Variants in RCL1 observed in about 807,000 individuals in gnomAD.
The protein encoded by RCL1 is RNA terminal phosphate cyclase like 1.
In RCL1, 24 loss-of-function variants were observed where a neutral mutation model predicts 42.4. That is an observed-to-expected ratio of 0.57 (90% confidence interval 0.41 to 0.80). The LOEUF is 0.80. Among genes scored for constraint, RCL1 ranks in the 30% least tolerant of loss-of-function variants. The pLI is 0.00. For missense variants in RCL1, 578 were observed against 467.9 expected (o/e 1.24, Z -2.17); for synonymous variants, 228 against 177.3 (o/e 1.29, Z -2.27).
intron 5 of RCL1, among the ~76,000 whole-genome samples, chr9:4,835,591 C>G (rs1456231860): frequency 6.6e-6 from 1 of 152,122 alleles, no homozygotes; most frequent in East Asian, 1.9e-4. Flanking sequence ...AGGGAGACTC[C>G]CTCCCTTTTA....
chr9:4,851,393 TAA>T (rs1293390682), intron 8 of RCL1, among the ~76,000 whole-genome samples: 2 of 152,186 alleles, frequency 1.3e-5, no homozygotes, highest in African/African-American at 4.8e-5. Context: ...TAAGCTAGCA[TAA>T]AGACAGGTAA....
At chr9:4,819,488 A>G (rs1816508521) in intron 1 of RCL1, among the ~76,000 whole-genome samples, 1 of 152,226 alleles carries the variant, frequency 6.6e-6, no homozygotes, top group Non-Finnish European at 1.5e-5. Context: ...ATCCGCAGAA[A>G]TGGTCACTAT....
chr9:4,815,353 A>C (rs1236840868), intron 1 of RCL1, among the ~76,000 whole-genome samples: 1 of 151,988 alleles, frequency 6.6e-6, no homozygotes, highest in Non-Finnish European at 1.5e-5. Context: ...CTTATCTTCA[A>C]GTTCAGAGAT....
At chr9:4,794,448 G>T (rs1842882181) in intron 1 of RCL1, among the ~76,000 whole-genome samples, 1 of 152,192 alleles carries the variant, frequency 6.6e-6, no homozygotes, top group South Asian at 2.1e-4. Flanking sequence ...ACCACAAATG[G>T]TTTATGCCAC....
intron 3 of RCL1, among the ~76,000 whole-genome samples, chr9:4,832,144 A>T (rs1325968800): frequency 6.6e-6 from 1 of 152,230 alleles, no homozygotes; most frequent in Non-Finnish European, 1.5e-5. Context: ...TCTTATCAGG[A>T]ATCCACAAAT....
intron 3 of RCL1, chr9:4,827,335 T>C: frequency 8.9e-7 from 1 of 1,124,624 alleles, no homozygotes; most frequent in Non-Finnish European, 1.2e-6. Flanking sequence ...GCTGGCTGTA[T>C]ATGTGAGAGT....
chr9:4,795,625 T>G (rs1842901777), intron 1 of RCL1, among the ~76,000 whole-genome samples: 1 of 152,060 alleles, frequency 6.6e-6, no homozygotes, highest in Non-Finnish European at 1.5e-5. Context: ...TTTTCCTAAC[T>G]CAGATTCTCA....
In RCL1 at chr9:4,809,616, G is replaced by A. The variant is rs1816101645; in HGVS notation, c.137-13932G>A. ...AGCCACTGCACCCGGCCAAGACTAT[G>A]CTTTTTAAAAAAGAAATAGAAAAAA... On this transcript the variant is annotated intron_variant, in intron 1 of 8. Transcript: ENST00000381750. Among the ~76,000 whole-genome samples the A allele has an allele frequency of 2.6e-5, 4 of 152,112 alleles. No individual in the cohort carries two copies. The South Asian group carries it at 8.3e-4, about 32-fold the overall frequency.
intron 1 of RCL1, among the ~76,000 whole-genome samples, chr9:4,800,793 C>T (rs1193433449): frequency 6.6e-6 from 1 of 151,706 alleles, no homozygotes; most frequent in African/African-American, 2.4e-5. Context: ...GCTGGGATTA[C>T]AGGTGTGCAC....
At chr9:4,840,406 A>T (rs1010263582) in intron 5 of RCL1, among the ~76,000 whole-genome samples, 2 of 152,164 alleles carry the variant, frequency 1.3e-5, no homozygotes, top group East Asian at 1.9e-4. Flanking sequence ...CTCAATACAT[A>T]CTTACTTTTT....
chr9:4,802,527 G>A (rs1363583723), intron 1 of RCL1, among the ~76,000 whole-genome samples: 3 of 152,094 alleles, frequency 2.0e-5, no homozygotes, highest in Admixed American at 6.5e-5. Flanking sequence ...TTCCCCAGAT[G>A]AAATATTATA....
chr9:4,834,040 T>C (rs1817038500), intron 4 of RCL1, 101 bp from the exon 5 acceptor site: 3 of 1,328,806 alleles, frequency 2.3e-6, no homozygotes, highest in Admixed American at 4.5e-5. Context: ...AGCTATGCCT[T>C]GTAAGGAAGC....
chr9:4,808,075 A>G (rs991763260), intron 1 of RCL1, among the ~76,000 whole-genome samples: 10 of 152,040 alleles, frequency 6.6e-5, no homozygotes, highest in African/African-American at 2.4e-4. Context: ...CTATCGGTTC[A>G]TGGTGGTGCT....
rs552202948 is a variant in RCL1, at chr9:4,861,014, T to A, written c.*739T>A. ...CCATGAGAAAATTCATAAAGGGTGT[T>A]TTGTTCCTTTGAAATGTATAATGTA... On this transcript the variant is annotated 3_prime_UTR_variant, in exon 9 of 9. Transcript: ENST00000381750. 4 of 152,360 alleles carry A rather than the reference T, an allele frequency of 2.6e-5. No individual in the cohort carries two copies. Among genetic ancestry groups the A allele is most frequent in the African/African-American group, 9.6e-5 (4 of 41,566 alleles). The allele number at this position is 152,360 out of a possible 1,614,324, so 9.4% of individuals were successfully genotyped here.
Position 4,793,246 on chromosome 9 carries a change from C to T in RCL1, c.136+19C>T, listed in dbSNP as rs779438455. On this transcript the variant is annotated intron_variant, in intron 1 of 8. Transcript: ENST00000381750. ...CTCCGAGGTAACTTGGTGTGGGCGG[C>T]GCGCGGCGTGGGCGCGGGGGCTGAG... The T allele has an allele frequency of 4.4e-6, 7 of 1,575,732 alleles. No homozygotes were observed. Among genetic ancestry groups the T allele is most frequent in the South Asian group, 1.2e-5 (1 of 86,656 alleles).
chr9:4,822,494 C>CCT (rs954710876), intron 1 of RCL1, among the ~76,000 whole-genome samples: 6 of 152,076 alleles, frequency 3.9e-5, no homozygotes, highest in Non-Finnish European at 8.8e-5. Context: ...CTTCTTTTTT[C>CCT]CTCTCCCCCT....
intron 1 of RCL1, among the ~76,000 whole-genome samples, chr9:4,822,131 A>G (rs1816614484): frequency 6.6e-6 from 1 of 152,238 alleles, no homozygotes; most frequent in African/African-American, 2.4e-5. Flanking sequence ...CCCTTTGTAC[A>G]AATTGCAGAA....
chr9:4,834,143 T>G lies in RCL1; in HGVS notation c.462T>G (p.Ile154Met), dbSNP rs931671056. The G allele has an allele frequency of 6.2e-7, 1 of 1,600,728 alleles. No individual in the cohort carries two copies. Among genetic ancestry groups the G allele is most frequent in the Non-Finnish European group, 8.5e-7 (1 of 1,173,002 alleles). The change falls in exon 5 of 9, where the codon ATT (isoleucine) becomes ATG (methionine). Residue 154 changes from isoleucine (I) to methionine (M), a missense_variant and splice_region_variant. By Grantham distance (10) the Ile-to-Met change is conservative. Transcript: ENST00000381750. The part of the protein sequence containing the change: ...GIDGESFELK[I>M]VRRGMPPGGG... ...CATCTTTCTCACTCTCTGTGTAGAT[T>G]GTGCGACGGGGAATGCCTCCCGGAG...
At chr9:4,847,977 A>G (rs1817580087) in intron 7 of RCL1, among the ~76,000 whole-genome samples, 1 of 152,212 alleles carries the variant, frequency 6.6e-6, no homozygotes, top group South Asian at 2.1e-4. Context: ...CCCCCAGCAT[A>G]GGTAGGGTGA....
Sources: gnomAD v4.1 joint callset for allele counts (sites outside exome capture counted in the v4.1 genomes callset) on GRCh38, gnomAD v4.1.1 for gene constraint, MANE v1.5 for transcripts, NCBI Gene and HGNC (gene_info 2026-07-23, HGNC 2026-07-21) for gene names.